Variants in RNF138 observed in about 807,000 individuals in gnomAD.
The protein encoded by RNF138 is ring finger protein 138, also known as E3 ubiquitin-protein ligase RNF138.
RNF138 carries 12 observed loss-of-function variants against 31.0 expected under a neutral mutation model. The observed-to-expected ratio is 0.39, with a 90% CI of 0.25 to 0.63. The LOEUF is 0.63. Among genes scored for constraint, RNF138 ranks in the 20% least tolerant of loss-of-function variants. The pLI, the probability that RNF138 is intolerant of heterozygous loss-of-function variation, is 0.52. For missense variants in RNF138, 192 were observed against 300.1 expected (o/e 0.64, Z 2.66); for synonymous variants, 105 against 99.5 (o/e 1.06, Z -0.33).
chr18:32,092,823 T>C lies in RNF138; in HGVS notation c.47T>C (p.Phe16Ser). 2 of 1,600,402 alleles carry C rather than the reference T, an allele frequency of 1.2e-6. No homozygotes were observed. Among genetic ancestry groups the C allele is most frequent in the Non-Finnish European group, 1.7e-6 (2 of 1,175,710 alleles). The change falls in exon 2 of 8, where the codon TTC becomes TCC. Residue 16 changes from phenylalanine to serine, a missense_variant. Coordinates refer to ENST00000261593, the MANE Select transcript of RNF138 (RefSeq NM_016271.5). ...SAATSYTEDD[F>S]YCPVCQEVLK... ...GCCACGTCCTACACCGAAGATGATT[T>C]CTACTGCCCCGTCTGTCAGGAGGTG...
chr18:32,130,991 A>G lies in RNF138; in HGVS notation c.*1804A>G, dbSNP rs1235442340. 1 of 90,850 alleles carries G rather than the reference A, an allele frequency of 1.1e-5. No individual in the cohort carries two copies. The highest frequency in any genetic ancestry group is 2.4e-5 in the Non-Finnish European group (1 of 42,274). The allele number at this position is 90,850 out of a possible 1,614,324, so 5.6% of individuals were successfully genotyped here. On this transcript the variant is annotated 3_prime_UTR_variant, in exon 8 of 8. Transcript: ENST00000261593. ...TTTCTTTCAAAGTTTAATACATCCA[A>G]TATGTCAAGTTAAACCATTCTGGGA...
chr18:32,122,212 A>T (rs533719843), intron 4 of RNF138, among the ~76,000 whole-genome samples: 2 of 152,208 alleles, frequency 1.3e-5, no homozygotes, highest in Non-Finnish European at 2.9e-5. Flanking sequence ...CGCTTGGGCT[A>T]TGTGTGGAGA....
Position 32,097,974 on chromosome 18 carries a change from GTGTTA to G in RNF138, c.110+5090_110+5094del, listed in dbSNP as rs1568224376. ...TGTGTGTGTGTGTGTGTGTGTGTGT[GTGTTA>G]TTTTTGTTTGTTTGTTTGTTTGTTT... On this transcript the variant is annotated intron_variant, in intron 2 of 7. Coordinates refer to ENST00000261593, the MANE Select transcript of RNF138 (RefSeq NM_016271.5). 1.4e-4 allele frequency among the ~76,000 whole-genome samples: 10 copies of G among 71,242 alleles called. 1 individual carries two copies. Among genetic ancestry groups the G allele is most frequent in the Middle Eastern group, 0.012 (2 of 162 alleles). 46.7% of individuals were successfully genotyped at this position (71,242 alleles called of 152,430 possible). A position where few individuals can be genotyped will look rare whatever the true frequency, so the allele number is the denominator to read the frequency against.
intron 2 of RNF138, among the ~76,000 whole-genome samples, chr18:32,096,129 G>C (rs1411656926): frequency 6.6e-6 from 1 of 152,184 alleles, no homozygotes; most frequent in Non-Finnish European, 1.5e-5. Context: ...AAGCTAATTT[G>C]AGTGTTTTCC....
Position 32,123,572 on chromosome 18 carries a change from A to T in RNF138, c.447A>T (p.Thr149=). The T allele has an allele frequency of 1.3e-6, 2 of 1,582,750 alleles. No individual in the cohort carries two copies. Among genetic ancestry groups the T allele is most frequent in the Non-Finnish European group, 1.7e-6 (2 of 1,164,100 alleles). ...SDNTETYQEN[T]SSSGHPTFKC... ...ACACAGAAACTTACCAAGAGAATAC[A>T]AGGTAAGCTTTTGAAAAATCCTGCC... The change falls in exon 5 of 8, where the codon ACA becomes ACT. Residue 149 remains threonine (T), a splice_region_variant and synonymous_variant. Coordinates refer to ENST00000261593, the MANE Select transcript of RNF138 (RefSeq NM_016271.5).
intron 1 of RNF138, 192 bp from the exon 2 acceptor site, chr18:32,092,508 G>T (rs1246029545): frequency 4.9e-5 from 22 of 445,152 alleles, no homozygotes; most frequent in Non-Finnish European, 7.7e-5. Flanking sequence ...CATGCTGCGA[G>T]CCCAGCCTCC....
intron 2 of RNF138, among the ~76,000 whole-genome samples, chr18:32,104,501 CAG>C (rs1426561028): frequency 2.0e-5 from 3 of 151,924 alleles, no homozygotes; most frequent in African/African-American, 4.8e-5. Flanking sequence ...ATCAGATACA[CAG>C]AGATGGAAAA....
chr18:32,120,986 A>C (rs1311439240), intron 4 of RNF138, among the ~76,000 whole-genome samples: 1 of 152,014 alleles, frequency 6.6e-6, no homozygotes, highest in Non-Finnish European at 1.5e-5. Context: ...AAATACAAAA[A>C]TTAGCCAGGC....
Position 32,129,212 on chromosome 18 carries a change from T to C in RNF138, c.*25T>C. 6.5e-7 allele frequency: 1 copy of C among 1,541,586 alleles called. No individual in the cohort carries two copies. Among genetic ancestry groups the C allele is most frequent in the East Asian group, 2.2e-5 (1 of 44,458 alleles). On this transcript the variant is annotated 3_prime_UTR_variant, in exon 8 of 8. Coordinates refer to ENST00000261593, the MANE Select transcript of RNF138 (RefSeq NM_016271.5). Reference sequence around the variant, plus strand: ...AAGGCTGTAGACATCTCTGCATCTTTGTACCTGCAAGTGCCATCTTTAAGG... The same window carrying C: ...AAGGCTGTAGACATCTCTGCATCTTCGTACCTGCAAGTGCCATCTTTAAGG...
chr18:32,110,442 G>A (rs975152464), intron 2 of RNF138, among the ~76,000 whole-genome samples: 1 of 152,156 alleles, frequency 6.6e-6, no homozygotes, highest in Non-Finnish European at 1.5e-5. Context: ...CTGAACAGCC[G>A]AATCAGTTGT....
chr18:32,123,391 G>A, intron 4 of RNF138, 127 bp from the exon 5 acceptor site: 1 of 541,872 alleles, frequency 1.8e-6, no homozygotes, highest in South Asian at 4.1e-5. Context: ...TAGGAAAAAG[G>A]TGTATTGAAG....
chr18:32,123,461 C>A, intron 4 of RNF138, 57 bp from the exon 5 acceptor site: 1 of 1,081,446 alleles, frequency 9.2e-7, no homozygotes, highest in Non-Finnish European at 1.3e-6. Context: ...AGATAATGAA[C>A]CTTTAGTGTG....
intron 3 of RNF138, 71 bp from the exon 4 acceptor site, chr18:32,113,674 C>T (rs2040169605): frequency 6.2e-6 from 4 of 640,562 alleles, no homozygotes; most frequent in South Asian, 2.7e-5. Flanking sequence ...TTTATTTTTT[C>T]CTCTCTTTAC....
At chr18:32,120,560 A>G (rs2040287688) in intron 4 of RNF138, among the ~76,000 whole-genome samples, 1 of 152,182 alleles carries the variant, frequency 6.6e-6, no homozygotes, top group African/African-American at 2.4e-5. Flanking sequence ...AAAAAATAAT[A>G]ATTTGCTGTC....
intron 2 of RNF138, among the ~76,000 whole-genome samples, chr18:32,100,562 G>A (rs1048843399): frequency 7.3e-6 from 1 of 137,288 alleles, no homozygotes; most frequent in Non-Finnish European, 1.5e-5. Context: ...TGCAACCTCC[G>A]TCTCCCGGGT....
chr18:32,121,351 C>T (rs1023899973), intron 4 of RNF138, among the ~76,000 whole-genome samples: 1 of 151,790 alleles, frequency 6.6e-6, no homozygotes, highest in Non-Finnish European at 1.5e-5. Context: ...CAAAATGAGC[C>T]GGGTGTGGTG....
intron 2 of RNF138, among the ~76,000 whole-genome samples, chr18:32,103,418 C>T (rs890456376): frequency 1.3e-5 from 2 of 151,982 alleles, no homozygotes; most frequent in Non-Finnish European, 2.9e-5. Context: ...GTCTTGAACT[C>T]CTAGGCTCAA....
rs1217162499 is a variant in RNF138, at chr18:32,092,745, G to C, written c.-32G>C. 1 of 1,430,286 alleles carries C rather than the reference G, an allele frequency of 7.0e-7. No individual in the cohort carries two copies. The highest frequency in any genetic ancestry group is 1.2e-5 in the South Asian group (1 of 81,542). 88.6% of individuals were successfully genotyped at this position (1,430,286 alleles called of 1,614,324 possible). ...CACCGTCACCTCGGCCGCTGCCGCT[G>C]TCGCCATCGCCTTGTTTCCCCATCC... is the stretch of plus-strand genomic sequence containing the variant. On this transcript the variant is annotated 5_prime_UTR_variant, in exon 2 of 8. Coordinates refer to ENST00000261593, the MANE Select transcript of RNF138 (RefSeq NM_016271.5).
In RNF138 at chr18:32,092,900, C is replaced by A. The variant is rs373250124; in HGVS notation, c.110+14C>A. On this transcript the variant is annotated intron_variant, in intron 2 of 7. Coordinates refer to ENST00000261593, the MANE Select transcript of RNF138 (RefSeq NM_016271.5). ...CTGTCAGCACGTGTGAGTAGACGCC[C>A]CCTCCCCCTCGCGGAGCCGGGTTGT... 2.0e-5 allele frequency: 29 copies of A among 1,448,984 alleles called. No homozygotes were observed. Among genetic ancestry groups the A allele is most frequent in the Non-Finnish European group, 2.5e-5 (27 of 1,074,526 alleles). The allele number at this position is 1,448,984 out of a possible 1,614,324, so 89.8% of individuals were successfully genotyped here. A position where few individuals can be genotyped will look rare whatever the true frequency, so the allele number is the denominator to read the frequency against.
Sources: gnomAD v4.1 joint callset for allele counts (sites outside exome capture counted in the v4.1 genomes callset) on GRCh38, gnomAD v4.1.1 for gene constraint, MANE v1.5 for transcripts, NCBI Gene and HGNC (gene_info 2026-07-23, HGNC 2026-07-21) for gene names.